The following FRMD4A variants were observed in gnomAD, a reference collection of about 807,000 sequenced individuals.
FRMD4A encodes FERM domain containing 4A.
In FRMD4A, 29 loss-of-function variants were observed where a neutral mutation model predicts 129.1. The ratio of observed to expected loss-of-function variants is 0.22; its 90% CI spans 0.17 to 0.31. FRMD4A has a LOEUF of 0.31. Ranked by LOEUF, FRMD4A falls within the 10% of genes least tolerant of loss-of-function variation. The pLI, the probability that FRMD4A is intolerant of heterozygous loss-of-function variation, is 1.00. For synonymous variants in FRMD4A, 634 were observed against 571.6 expected (o/e 1.11, Z -1.56); for missense variants, 1,272 against 1,375.8 (o/e 0.92, Z 1.19).
intron 15 of FRMD4A, among the ~76,000 whole-genome samples, chr10:13,676,624 G>A (rs958408651): frequency 3.9e-5 from 6 of 152,054 alleles, no homozygotes; most frequent in East Asian, 1.9e-4. Context: ...TGTTAGAAAC[G>A]GACAGGTGTT....
intron 2 of FRMD4A, among the ~76,000 whole-genome samples, chr10:13,958,955 T>G (rs2095428503): frequency 6.6e-6 from 1 of 152,224 alleles, no homozygotes; most frequent in Non-Finnish European, 1.5e-5. Context: ...ATGGTTGAGA[T>G]GTAGTCTTGA....
At chr10:14,257,520 C>T (rs902791422) in intron 2 of FRMD4A, among the ~76,000 whole-genome samples, 3 of 152,082 alleles carry the variant, frequency 2.0e-5, no homozygotes, top group South Asian at 2.1e-4. Context: ...GGTATCCCCT[C>T]GAAAATGCAT....
chr10:13,671,360 A>G (rs753683473), intron 16 of FRMD4A, among the ~76,000 whole-genome samples: 22 of 152,178 alleles, frequency 1.4e-4, no homozygotes, highest in Non-Finnish European at 2.8e-4. Context: ...AAGCTGAGGC[A>G]GGAGAATCGC....
intron 3 of FRMD4A, among the ~76,000 whole-genome samples, chr10:13,823,553 A>G (rs1367498843): frequency 4.6e-5 from 7 of 152,200 alleles, no homozygotes; most frequent in African/African-American, 1.7e-4. Flanking sequence ...TCCAAGCTCC[A>G]TCTTCCATGG....
chr10:14,298,239 T>C (rs1038996315), intron 2 of FRMD4A, among the ~76,000 whole-genome samples: 13 of 152,188 alleles, frequency 8.5e-5, no homozygotes, highest in Non-Finnish European at 1.5e-4. Flanking sequence ...ATCCAGTGTC[T>C]ACATGAATCT....
At chr10:13,767,445 G>C (rs1418240473) in intron 6 of FRMD4A, among the ~76,000 whole-genome samples, 2 of 152,050 alleles carry the variant, frequency 1.3e-5, no homozygotes, top group Admixed American at 1.3e-4. Context: ...CACCATGTTG[G>C]CCAGGCTGGT....
In FRMD4A at chr10:13,747,818, T is replaced by C. The variant is rs2091366026; in HGVS notation, c.466A>G (p.Asn156Asp). Reference protein sequence around the residue: ...LQEAKGDFSSNEVVRSDLKKL... With the variant: ...LQEAKGDFSSDEVVRSDLKKL... ...TTCAAGTCACTCCTCACAACTTCAT[T>C]GCTGAAAGAGAGAATGCCCAGAAAC... is the stretch of plus-strand genomic sequence containing the variant. The change falls in exon 9 of 25, where the codon AAT (asparagine) becomes GAT (aspartate). Residue 156 changes from asparagine to aspartate, a missense_variant and splice_region_variant. Around this residue, in one of 2 missense-constraint regions of FRMD4A, gnomAD observed 300 missense variants for 483.6 expected, o/e 0.62. Transcript: ENST00000357447. 6.3e-7 allele frequency: 1 copy of C among 1,576,318 alleles called. No individual in the cohort carries two copies. The highest frequency in any genetic ancestry group is 1.1e-5 in the South Asian group (1 of 90,336).
intron 16 of FRMD4A, among the ~76,000 whole-genome samples, chr10:13,671,545 C>T (rs1364723016): frequency 6.6e-6 from 1 of 152,176 alleles, no homozygotes; most frequent in African/African-American, 2.4e-5. Context: ...GTATTTTGGG[C>T]CCCGGAAATC....
Position 13,814,598 on chromosome 10 carries a change from AAAAAAAAAAG to A in FRMD4A, c.112-3700_112-3691del, listed in dbSNP as rs2093506577. Among the ~76,000 whole-genome samples, 5 of 142,536 alleles carry A rather than the reference AAAAAAAAAAG, an allele frequency of 3.5e-5. 1 individual carries two copies. The highest frequency in any genetic ancestry group is 6.4e-5 in the Non-Finnish European group (4 of 62,764). 93.5% of individuals were successfully genotyped at this position (142,536 alleles called of 152,430 possible). On this transcript the variant is annotated intron_variant, in intron 3 of 24. Transcript: ENST00000357447. Reference sequence around the variant, plus strand: ...CCTGTTTCAAAAAAAAAAAAAAAAAAAAAAAAAAAGAAAGAAAGGGAAAGAGAGAGAGAAA... The same window carrying A: ...CCTGTTTCAAAAAAAAAAAAAAAAAAAAAGAAAGGGAAAGAGAGAGAGAAA...
intron 2 of FRMD4A, among the ~76,000 whole-genome samples, chr10:14,005,505 A>G (rs1435204886): frequency 1.3e-5 from 2 of 152,156 alleles, no homozygotes; most frequent in Admixed American, 6.5e-5. Flanking sequence ...TACAGAAGCA[A>G]TTGTCGAACC....
intron 2 of FRMD4A, among the ~76,000 whole-genome samples, chr10:13,902,529 C>T (rs987514428): frequency 3.4e-5 from 5 of 148,866 alleles, no homozygotes; most frequent in South Asian, 4.3e-4. Context: ...ATGAGAATCC[C>T]CTGGAAGACC....
intron 12 of FRMD4A, among the ~76,000 whole-genome samples, chr10:13,720,144 G>T (rs1324839933): frequency 6.6e-6 from 1 of 152,160 alleles, no homozygotes; most frequent in Non-Finnish European, 1.5e-5. Flanking sequence ...CGCCTCCTGG[G>T]TTTAAGCAAT....
chr10:13,999,430 T>A (rs556518746), intron 2 of FRMD4A, among the ~76,000 whole-genome samples: 4 of 152,204 alleles, frequency 2.6e-5, no homozygotes, highest in Admixed American at 1.3e-4. Flanking sequence ...CTGGGACTGA[T>A]TCTGTGTGGT....
At chr10:13,994,746 A>G (rs2095616504) in intron 2 of FRMD4A, among the ~76,000 whole-genome samples, 1 of 152,206 alleles carries the variant, frequency 6.6e-6, no homozygotes, top group South Asian at 2.1e-4. Flanking sequence ...CAACGCATAC[A>G]TACATTTTCT....
intron 1 of FRMD4A, 77 bp from the exon 2 acceptor site, chr10:14,330,260 G>C: frequency 1.5e-6 from 1 of 680,944 alleles, no homozygotes; most frequent in Non-Finnish European, 2.6e-6. Flanking sequence ...TTCACACAGG[G>C]TGGGGAGGAG....
intron 2 of FRMD4A, among the ~76,000 whole-genome samples, chr10:13,965,374 G>A (rs1475669147): frequency 6.6e-6 from 1 of 152,176 alleles, no homozygotes; most frequent in Non-Finnish European, 1.5e-5. Context: ...CCCATCTGTG[G>A]AGGAATCTCC....
At chr10:13,756,077 G>C (rs2091847881) in intron 8 of FRMD4A, 1 of 152,214 alleles carries the variant, frequency 6.6e-6, no homozygotes, top group Admixed American at 6.5e-5. Flanking sequence ...CATGCTGGGA[G>C]AATCCTGTTT....
chr10:13,670,191 T>C (rs891985769), intron 17 of FRMD4A, among the ~76,000 whole-genome samples: 14 of 152,138 alleles, frequency 9.2e-5, no homozygotes, highest in Admixed American at 1.3e-4. Flanking sequence ...GACAAGCAAC[T>C]TCGACAGACA....
rs944568589 is a variant in FRMD4A, at chr10:13,737,764, T to C, written c.759+80A>G. On this transcript the variant is annotated intron_variant, in intron 12 of 24. Transcript: ENST00000357447. Reference sequence around the variant, plus strand: ...GGTGAGCCTTTAGGCTGCATGGCGTTAGCATTTTTAAAGTGACTCCTACGC... The same window carrying C: ...GGTGAGCCTTTAGGCTGCATGGCGTCAGCATTTTTAAAGTGACTCCTACGC... 1.0e-5 allele frequency: 8 copies of C among 784,670 alleles called. No individual in the cohort carries two copies. In the African/African-American group the frequency reaches 1.4e-4, roughly 13 times the overall value. The allele number at this position is 784,670 out of a possible 1,614,324, so 48.6% of individuals were successfully genotyped here.
Sources: gnomAD v4.1 joint callset for allele counts (sites outside exome capture counted in the v4.1 genomes callset) on GRCh38, gnomAD v4.1.1 for gene constraint, gnomAD v4.1.1 regional missense constraint, MANE v1.5 for transcripts, NCBI Gene and HGNC (gene_info 2026-07-23, HGNC 2026-07-21) for gene names.